DOCK7: variants seen among roughly 807,000 people sequenced by gnomAD.
DOCK7 encodes dedicator of cytokinesis protein 7.
Under a neutral mutation model 271.0 loss-of-function variants are expected in DOCK7, and 138 were observed. The observed-to-expected ratio is 0.51, with a 90% CI of 0.44 to 0.59. DOCK7 has a LOEUF of 0.59. Among genes scored for constraint, DOCK7 ranks in the 20% least tolerant of loss-of-function variants. The probability of loss-of-function intolerance (pLI) is 0.00; values close to 1 mark genes in which losing one functional copy is unlikely to be tolerated. For missense variants in DOCK7, 2,066 were observed against 2,592.4 expected (o/e 0.80, Z 4.41); for synonymous variants, 823 against 876.1 (o/e 0.94, Z 1.07).
chr1:62,568,914 C>T (rs79281783), intron 18 of DOCK7, among the ~76,000 whole-genome samples: 2 of 151,508 alleles, frequency 1.3e-5, no homozygotes, highest in African/African-American at 4.9e-5. Flanking sequence ...GGGGATACCA[C>T]CACTGACCCC....
chr1:62,561,998 GTACA>G (rs931515372), intron 18 of DOCK7, among the ~76,000 whole-genome samples: 7 of 151,124 alleles, frequency 4.6e-5, no homozygotes, highest in African/African-American at 1.7e-4. Flanking sequence ...GTACATATAT[GTACA>G]TATATATGTA....
rs750040423 is a variant in DOCK7 at position 62,487,416 on chromosome 1, T to C, written c.5494-4A>G. ...TACCTACCTCCCAGCCAGTACTCTG[T>C]ATAATAAAAAGTAAAAAAGGGCAAG... On this transcript the variant is annotated splice_polypyrimidine_tract_variant and splice_region_variant and intron_variant, in intron 42 of 49. Coordinates refer to ENST00000635253, the MANE Select transcript of DOCK7 (RefSeq NM_001367561.1). The C allele has an allele frequency of 3.2e-5, 51 of 1,610,808 alleles. 1 individual carries two copies. In the South Asian group the frequency reaches 5.4e-4, roughly 17 times the overall value.
chr1:62,615,166 G>T (rs1481820308), intron 14 of DOCK7, among the ~76,000 whole-genome samples: 1 of 151,750 alleles, frequency 6.6e-6, no homozygotes, highest in Admixed American at 6.6e-5. Context: ...AAAGGGAATG[G>T]TCAACTTTAT....
intron 44 of DOCK7, among the ~76,000 whole-genome samples, chr1:62,477,488 A>G (rs1311230093): frequency 6.6e-6 from 1 of 152,240 alleles, no homozygotes; most frequent in East Asian, 1.9e-4. Context: ...GTGTGAAAAT[A>G]GTCTCAAAAA....
At chr1:62,678,767 T>C (rs963135216) in intron 1 of DOCK7, among the ~76,000 whole-genome samples, 1 of 152,046 alleles carries the variant, frequency 6.6e-6, no homozygotes, top group Non-Finnish European at 1.5e-5. Context: ...AGATTATTTA[T>C]AATTTGTAAA....
Position 62,555,899 on chromosome 1 carries a change from C to T in DOCK7, c.2522G>A (p.Arg841Lys), listed in dbSNP as rs1646126277. The change falls in exon 21 of 50, where the codon AGA becomes AAA. Residue 841 changes from arginine (R) to lysine (K), a missense_variant. By Grantham distance (26) the Arg-to-Lys change is conservative (BLOSUM62 2). This residue lies in a region of DOCK7 where 1,414 missense variants were observed against 1,670.4 expected (regional missense o/e 0.85). Coordinates refer to ENST00000635253, the MANE Select transcript of DOCK7 (RefSeq NM_001367561.1). ...AATATATGATGCAAGAAGGCTGTTT[C>T]TGCCATGCTGGTCATGATTTCCTTC... ...NLEGNHDQHG[R>K]NSLLASYIHY... The T allele has an allele frequency of 6.2e-7, 1 of 1,613,784 alleles. No homozygotes were observed.
chr1:62,587,097 T>A (rs1647642339), intron 14 of DOCK7, among the ~76,000 whole-genome samples: 1 of 152,056 alleles, frequency 6.6e-6, no homozygotes, highest in Non-Finnish European at 1.5e-5. Context: ...TTAAGAGGTA[T>A]AATATTCCAC....
intron 14 of DOCK7, chr1:62,604,643 G>A (rs1200258389): frequency 6.2e-7 from 1 of 1,613,146 alleles, no homozygotes; most frequent in Admixed American, 1.7e-5. Flanking sequence ...GAGGCTGGTG[G>A]TGGCATGATG....
intron 1 of DOCK7, among the ~76,000 whole-genome samples, chr1:62,682,986 T>C: frequency 6.6e-6 from 1 of 152,162 alleles, no homozygotes. Context: ...GGAAAGATGG[T>C]TAAGTCACCT....
chr1:62,645,067 G>T (rs984222100), intron 7 of DOCK7, among the ~76,000 whole-genome samples: 1 of 152,222 alleles, frequency 6.6e-6, no homozygotes, highest in Middle Eastern at 3.4e-3. Context: ...TGGTGAAAAC[G>T]TGGAGAAATT....
At chr1:62,623,278 TA>T (rs1333017805) in intron 12 of DOCK7, among the ~76,000 whole-genome samples, 4 of 152,218 alleles carry the variant, frequency 2.6e-5, no homozygotes, top group Admixed American at 2.6e-4. Context: ...TCTAGCTACT[TA>T]AAAATAGTTA....
intron 43 of DOCK7, chr1:62,483,674 C>T (rs1354481337): frequency 1.3e-5 from 2 of 151,326 alleles, no homozygotes; most frequent in African/African-American, 4.9e-5. Flanking sequence ...ACTCTACCTT[C>T]CCGGCTCAAG....
At chr1:62,551,813 T>C (rs1454467579) in intron 22 of DOCK7, among the ~76,000 whole-genome samples, 6 of 151,162 alleles carry the variant, frequency 4.0e-5, no homozygotes, top group Admixed American at 4.0e-4. Flanking sequence ...TTTTTATATA[T>C]ATTTTAAAAA....
At chr1:62,619,807 A>G (rs1374226568) in intron 13 of DOCK7, 93 bp downstream of exon 13, 2 of 669,634 alleles carry the variant, frequency 3.0e-6, no homozygotes, top group Admixed American at 3.9e-5. Flanking sequence ...TCTGGGCCAG[A>G]TAAATAAAAA....
intron 7 of DOCK7, 30 bp downstream of exon 7, chr1:62,647,658 TAAA>T: frequency 6.8e-7 from 1 of 1,469,136 alleles, no homozygotes; most frequent in Non-Finnish European, 9.3e-7. Flanking sequence ...TCCTGGAAAA[TAAA>T]AGTTGTAAGT....
intron 11 of DOCK7, among the ~76,000 whole-genome samples, chr1:62,626,614 A>C (rs1653987660): frequency 6.6e-6 from 1 of 152,154 alleles, no homozygotes; most frequent in Non-Finnish European, 1.5e-5. Context: ...CTGTAGGCCA[A>C]CACTTAGATT....
chr1:62,458,934 A>T (rs996565751), intron 48 of DOCK7: 14 of 152,194 alleles, frequency 9.2e-5, no homozygotes, highest in African/African-American at 3.4e-4. Context: ...ATTTACAAAT[A>T]ATATATATAT....
At position 62,670,697 on chromosome 1, in the gene DOCK7, C is replaced by T. The variant is rs939484929; in HGVS notation, c.39-7567G>A. Among the ~76,000 whole-genome samples the T allele has an allele frequency of 8.5e-5, 13 of 152,156 alleles. 1 individual carries two copies. Among genetic ancestry groups the T allele is most frequent in the East Asian group, 3.9e-4 (2 of 5,176 alleles). Reference sequence around the variant, plus strand: ...CTGTATCTAACTAATCTGATGGGGACGTGGAGAACCTTTGTATCTAGCTCA... The same window carrying T: ...CTGTATCTAACTAATCTGATGGGGATGTGGAGAACCTTTGTATCTAGCTCA... On this transcript the variant is annotated intron_variant, in intron 1 of 49. Coordinates refer to ENST00000635253, the MANE Select transcript of DOCK7 (RefSeq NM_001367561.1).
chr1:62,629,506 TG>T (rs1654357730), intron 11 of DOCK7: 1 of 152,138 alleles, frequency 6.6e-6, no homozygotes, highest in Non-Finnish European at 1.5e-5. Flanking sequence ...CAAGTCAATA[TG>T]TATGAAATGT....
Sources: allele counts gnomAD v4.1 joint callset (sites outside exome capture counted in the v4.1 genomes callset), GRCh38; gene constraint gnomAD v4.1.1; regional missense constraint gnomAD v4.1.1; transcripts MANE v1.5; gene names NCBI Gene and HGNC (gene_info 2026-07-23, HGNC 2026-07-21).